The following WWOX variants were observed in gnomAD, a reference collection of about 807,000 sequenced individuals.
The protein encoded by WWOX is WW domain-containing oxidoreductase.
WWOX carries 69 observed loss-of-function variants against 46.2 expected under a neutral mutation model. The observed-to-expected ratio is 1.49, with a 90% CI of 1.23 to 1.82. The LOEUF (loss-of-function observed/expected upper bound fraction) is 1.82. Ranked by LOEUF, WWOX falls within the 40% of genes most tolerant of loss-of-function variation. The pLI is 0.00. For missense variants in WWOX, 919 were observed against 542.6 expected, an observed-to-expected ratio of 1.69 and a Z score of -6.89; for synonymous variants, 359 against 202.6, an observed-to-expected ratio of 1.77 and a Z score of -6.56.
At chr16:78,787,908 A>G (rs2050496199) in intron 8 of WWOX, among the ~76,000 whole-genome samples, 1 of 152,088 alleles carries the variant, frequency 6.6e-6, no homozygotes, top group Non-Finnish European at 1.5e-5. Context: ...GATGTTGAGT[A>G]TTTTTATGTG....
intron 8 of WWOX, among the ~76,000 whole-genome samples, chr16:78,444,334 A>G (rs1189846067): frequency 6.6e-6 from 1 of 152,098 alleles, no homozygotes; most frequent in Non-Finnish European, 1.5e-5. Flanking sequence ...GAATCAGTTA[A>G]CCAAGAATAG....
chr16:78,404,287 C>T (rs774748939), intron 6 of WWOX, among the ~76,000 whole-genome samples: 59 of 152,120 alleles, frequency 3.9e-4, no homozygotes, highest in South Asian at 8.3e-4. Flanking sequence ...TATTATTTTT[C>T]GGGGATTTTG....
chr16:78,157,507 C>T (rs1249893411), intron 4 of WWOX, among the ~76,000 whole-genome samples: 2 of 152,216 alleles, frequency 1.3e-5, no homozygotes, highest in South Asian at 2.1e-4. Flanking sequence ...ACTACCCACA[C>T]ACCCAAGGGG....
intron 8 of WWOX, among the ~76,000 whole-genome samples, chr16:79,067,946 T>A (rs1051514878): frequency 2.6e-5 from 4 of 152,152 alleles, no homozygotes; most frequent in Admixed American, 2.6e-4. Flanking sequence ...GGCACCTAAA[T>A]CAGCCAATAA....
chr16:78,381,800 CAT>C (rs1344479981), intron 5 of WWOX, among the ~76,000 whole-genome samples: 1 of 152,038 alleles, frequency 6.6e-6, no homozygotes, highest in Non-Finnish European at 1.5e-5. Context: ...AATGGATAGA[CAT>C]ATAGGTAGGA....
intron 8 of WWOX, among the ~76,000 whole-genome samples, chr16:78,685,180 G>C (rs2738630): frequency 0.33 from 50,206 of 152,036 alleles, 10,196 homozygotes; most frequent in Admixed American, 0.51. Context: ...AGGACTGGGA[G>C]AGATCTGTGA....
At position 78,366,969 on chromosome 16, in the gene WWOX, ATTTTTTTTTT is replaced by A. The variant is rs544239767; in HGVS notation, c.517-19872_517-19863del. On this transcript the variant is annotated intron_variant, in intron 5 of 8. Coordinates refer to ENST00000566780, the MANE Select transcript of WWOX (RefSeq NM_016373.4). ...TTTTTTTTTGTATCACAAAAGTTACATTTTTTTTTTTTTTTTTTTTTTTTTTTTAAGACGT... is the reference window on the plus strand; with the variant it reads ...TTTTTTTTTGTATCACAAAAGTTACATTTTTTTTTTTTTTTTTTAAGACGT... Among the ~76,000 whole-genome samples, 25 of 74,244 alleles carry A rather than the reference ATTTTTTTTTT, an allele frequency of 3.4e-4. No individual in the cohort carries two copies. In the East Asian group the frequency reaches 3.7e-3, roughly 11 times the overall value. 48.7% of individuals were successfully genotyped at this position (74,244 alleles called of 152,430 possible).
chr16:78,833,459 A>C (rs1024935513), intron 8 of WWOX, among the ~76,000 whole-genome samples: 1 of 151,194 alleles, frequency 6.6e-6, no homozygotes, highest in African/African-American at 2.4e-5. Context: ...CCTGCTTTCT[A>C]TTCTCCTTCC....
At chr16:78,688,818 C>T (rs769390648) in intron 8 of WWOX, among the ~76,000 whole-genome samples, 34 of 152,122 alleles carry the variant, frequency 2.2e-4, no homozygotes, top group Non-Finnish European at 4.3e-4. Flanking sequence ...TGGGAGGGAC[C>T]CAGTGGGAGG....
chr16:78,959,349 C>G (rs527417488), intron 8 of WWOX, among the ~76,000 whole-genome samples: 2 of 152,278 alleles, frequency 1.3e-5, no homozygotes, highest in Admixed American at 6.5e-5. Context: ...GTGCTTGGCC[C>G]TGAGAAAGCA....
At chr16:78,359,930 A>G (rs1294052305) in intron 5 of WWOX, among the ~76,000 whole-genome samples, 1 of 152,334 alleles carries the variant, frequency 6.6e-6, no homozygotes, top group African/African-American at 2.4e-5. Context: ...TGTGGAGGGA[A>G]CAACACTCAT....
At chr16:78,152,229 C>T (rs1439978608) in intron 4 of WWOX, among the ~76,000 whole-genome samples, 4 of 152,064 alleles carry the variant, frequency 2.6e-5, no homozygotes, top group East Asian at 1.9e-4. Context: ...GAAATGTTTC[C>T]TTGCATCTCC....
rs370737026 is a variant in WWOX, at chr16:78,410,575, C to A, written c.606-14295C>A. ...CTGTTATCACAGCACTTTGGGAGGT[C>A]GAGGTGAGTGGACCATTTGAGGTTA... On this transcript the variant is annotated intron_variant, in intron 6 of 8. Coordinates refer to ENST00000566780, the MANE Select transcript of WWOX (RefSeq NM_016373.4). Among the ~76,000 whole-genome samples, 10 of 151,868 alleles carry A rather than the reference C, an allele frequency of 6.6e-5. 1 individual carries two copies. The highest frequency in any genetic ancestry group is 2.4e-4 in the African/African-American group (10 of 41,366).
At chr16:78,664,425 G>C (rs371053655) in intron 8 of WWOX, among the ~76,000 whole-genome samples, 2 of 152,170 alleles carry the variant, frequency 1.3e-5, no homozygotes, top group East Asian at 3.9e-4. Flanking sequence ...GCTCCTGGCT[G>C]CTGTGGCTGC....
chr16:78,308,465 T>C (rs963739327), intron 5 of WWOX, among the ~76,000 whole-genome samples: 1 of 152,164 alleles, frequency 6.6e-6, no homozygotes, highest in African/African-American at 2.4e-5. Context: ...ACAGACTCTT[T>C]ATAGCAATAA....
intron 8 of WWOX, among the ~76,000 whole-genome samples, chr16:78,804,914 AAACT>A (rs2050989676): frequency 6.6e-6 from 1 of 152,222 alleles, no homozygotes; most frequent in Admixed American, 6.5e-5. Flanking sequence ...AATTTCCTCC[AAACT>A]AACAATTCCT....
At chr16:78,538,712 A>G (rs1105313) in intron 8 of WWOX, among the ~76,000 whole-genome samples, 129,032 of 152,192 alleles carry the variant, frequency 0.85, 55,339 homozygotes, top group East Asian at 0.99. Context: ...TTAAGGGACC[A>G]GGTTAATCTT....
intron 8 of WWOX, among the ~76,000 whole-genome samples, chr16:79,182,668 G>A (rs1162465341): frequency 6.6e-6 from 1 of 152,196 alleles, no homozygotes; most frequent in Admixed American, 6.5e-5. Context: ...GCAAGCTTGT[G>A]ACACCGGGCA....
At chr16:78,408,888 C>T (rs974078844) in intron 6 of WWOX, among the ~76,000 whole-genome samples, 1 of 151,790 alleles carries the variant, frequency 6.6e-6, no homozygotes, top group African/African-American at 2.4e-5. Context: ...GTGGGTAAGC[C>T]CTGGGTATAA....
Sources: gnomAD v4.1 joint callset for allele counts (sites outside exome capture counted in the v4.1 genomes callset) on GRCh38, gnomAD v4.1.1 for gene constraint, MANE v1.5 for transcripts, NCBI Gene and HGNC (gene_info 2026-07-23, HGNC 2026-07-21) for gene names.